The following TOX2 variants were observed in gnomAD, a reference collection of about 807,000 sequenced individuals.
TOX2 encodes granulosa cell HMG box 1.
TOX2 carries 15 observed loss-of-function variants against 47.4 expected under a neutral mutation model. The ratio of observed to expected loss-of-function variants is 0.32; its 90% CI spans 0.21 to 0.49. The LOEUF is 0.49. TOX2 is among the 20% of genes least tolerant of loss of function. The pLI is 0.99. For synonymous variants in TOX2, 290 were observed against 296.6 expected (o/e 0.98, Z 0.23); for missense variants, 622 against 673.1 (o/e 0.92, Z 0.84).
At chr20:43,934,983 A>T (rs2069305803) in intron 1 of TOX2, among the ~76,000 whole-genome samples, 1 of 152,062 alleles carries the variant, frequency 6.6e-6, no homozygotes, top group African/African-American at 2.4e-5. Context: ...GCATCCCTGG[A>T]ATCATGCTCT....
intron 2 of TOX2, among the ~76,000 whole-genome samples, chr20:43,976,793 C>CACACACACACATACACACAT (rs2070087148): frequency 6.9e-6 from 1 of 145,954 alleles, no homozygotes; most frequent in Non-Finnish European, 1.5e-5. Flanking sequence ...CACACACACA[C>CACACACACACATACACACAT]ACACACACAC....
chr20:44,011,920 A>T (rs552033503), intron 3 of TOX2, among the ~76,000 whole-genome samples: 33 of 152,362 alleles, frequency 2.2e-4, no homozygotes, highest in African/African-American at 7.2e-4. Flanking sequence ...GGAGTCATGT[A>T]CAGTATTGGA....
chr20:44,009,832 T>C (rs1459172899), intron 3 of TOX2, among the ~76,000 whole-genome samples: 1 of 152,132 alleles, frequency 6.6e-6, no homozygotes, highest in Non-Finnish European at 1.5e-5. Context: ...ATGAGGGCTG[T>C]GGTGCAGGGG....
chr20:44,014,121 A>C (rs1286265931), intron 3 of TOX2, among the ~76,000 whole-genome samples: 2 of 119,228 alleles, frequency 1.7e-5, no homozygotes, highest in African/African-American at 6.7e-5. Flanking sequence ...ACAGAGTGAG[A>C]CTATCTCAAA....
rs533009177 is a variant in TOX2, at chr20:43,922,651, T to C, written c.99+7661T>C. Among the ~76,000 whole-genome samples the C allele has an allele frequency of 1.0e-4, 16 of 152,382 alleles. No individual in the cohort carries two copies. The South Asian group carries it at 3.3e-3, about 32-fold the overall frequency. On this transcript the variant is annotated intron_variant, in intron 1 of 8. Transcript: ENST00000341197. Reference sequence around the variant, plus strand: ...TGAGTTGTGGTAAATTGTAATTTTATATCTTAATGAAATGATGTTGTATGA... The same window carrying C: ...TGAGTTGTGGTAAATTGTAATTTTACATCTTAATGAAATGATGTTGTATGA...
intron 2 of TOX2, among the ~76,000 whole-genome samples, chr20:44,000,316 G>T (rs2070553350): frequency 6.6e-6 from 1 of 152,164 alleles, no homozygotes; most frequent in African/African-American, 2.4e-5. Flanking sequence ...GTCATCCAGG[G>T]CAAAGAGGGT....
chr20:44,065,099 G>A (rs2071789674), intron 6 of TOX2, among the ~76,000 whole-genome samples: 1 of 152,222 alleles, frequency 6.6e-6, no homozygotes, highest in South Asian at 2.1e-4. Flanking sequence ...CAACTTGCCT[G>A]AAAAGATCCA....
At chr20:44,001,952 A>C (rs2070591235) in intron 2 of TOX2, among the ~76,000 whole-genome samples, 1 of 152,250 alleles carries the variant, frequency 6.6e-6, no homozygotes, top group African/African-American at 2.4e-5. Context: ...AGTAAACAGC[A>C]GCTCACTGGC....
intron 3 of TOX2, among the ~76,000 whole-genome samples, chr20:44,029,272 A>G (rs547323976): frequency 3.3e-5 from 5 of 152,362 alleles, no homozygotes; most frequent in Admixed American, 1.3e-4. Context: ...TCAAAACAAG[A>G]CGGATATTGC....
intron 3 of TOX2, among the ~76,000 whole-genome samples, chr20:44,048,681 A>G (rs2071457749): frequency 6.6e-6 from 1 of 152,010 alleles, no homozygotes; most frequent in African/African-American, 2.4e-5. Context: ...AATAAAATAC[A>G]TGCCAGACAC....
intron 3 of TOX2, among the ~76,000 whole-genome samples, chr20:44,040,635 C>T (rs759618850): frequency 2.9e-4 from 44 of 152,170 alleles, no homozygotes; most frequent in Non-Finnish European, 5.9e-4. Flanking sequence ...CATAAGTGGA[C>T]ATGGTCAGCA....
chr20:43,921,303 A>C (rs2069110514), intron 1 of TOX2, among the ~76,000 whole-genome samples: 1 of 152,158 alleles, frequency 6.6e-6, no homozygotes, highest in South Asian at 2.1e-4. Flanking sequence ...TCTGTAGGGC[A>C]ATCTATTTTG....
intron 1 of TOX2, among the ~76,000 whole-genome samples, chr20:43,954,007 C>A (rs924952546): frequency 1.3e-5 from 2 of 152,182 alleles, no homozygotes; most frequent in East Asian, 1.9e-4. Flanking sequence ...CCATCCTCCA[C>A]GTGGCTAGCT....
At chr20:44,004,267 T>G (rs531751171) in intron 2 of TOX2, among the ~76,000 whole-genome samples, 1 of 152,260 alleles carries the variant, frequency 6.6e-6, no homozygotes, top group South Asian at 2.1e-4. Flanking sequence ...GGAGCTCAGA[T>G]GAGTGACCAA....
intron 1 of TOX2, among the ~76,000 whole-genome samples, chr20:43,923,356 A>G (rs1047999892): frequency 6.6e-6 from 1 of 152,074 alleles, no homozygotes; most frequent in Non-Finnish European, 1.5e-5. Context: ...CTTGCATTTG[A>G]TTTCCCCCAG....
intron 3 of TOX2, among the ~76,000 whole-genome samples, chr20:44,038,466 G>A (rs1352431251): frequency 6.6e-6 from 1 of 152,112 alleles, no homozygotes; most frequent in African/African-American, 2.4e-5. Flanking sequence ...AGCCGTTGTT[G>A]CCATCAGAAG....
chr20:44,037,029 A>C (rs946692711), intron 3 of TOX2, among the ~76,000 whole-genome samples: 3 of 152,124 alleles, frequency 2.0e-5, no homozygotes, highest in Non-Finnish European at 2.9e-5. Flanking sequence ...ATCGCAGCTC[A>C]TTGCAACCTC....
intron 1 of TOX2, among the ~76,000 whole-genome samples, chr20:43,923,158 C>T (rs987839501): frequency 9.2e-5 from 14 of 152,088 alleles, no homozygotes; most frequent in Admixed American, 4.6e-4. Context: ...AACCTGCCTG[C>T]GTGGGAGTTG....
chr20:43,971,192 G>A (rs905629145), intron 1 of TOX2, among the ~76,000 whole-genome samples: 2 of 152,128 alleles, frequency 1.3e-5, no homozygotes, highest in Non-Finnish European at 2.9e-5. Flanking sequence ...TCTGTGCCAG[G>A]CACTGTTCTA....
Sources: allele counts gnomAD v4.1 joint callset (sites outside exome capture counted in the v4.1 genomes callset), GRCh38; gene constraint gnomAD v4.1.1; transcripts MANE v1.5; gene names NCBI Gene and HGNC (gene_info 2026-07-23, HGNC 2026-07-21).